The following SYNJ2 variants were observed in gnomAD, a reference collection of about 807,000 sequenced individuals.
SYNJ2 encodes polyphosphatidylinositol phosphatase SYNJ2.
SYNJ2 carries 116 observed loss-of-function variants against 141.3 expected under a neutral mutation model. The observed-to-expected ratio is 0.82, with a 90% CI of 0.71 to 0.96. SYNJ2 has a LOEUF of 0.96. Among genes scored for constraint, SYNJ2 ranks in the 40% least tolerant of loss-of-function variants. SYNJ2 has a pLI of 0.00. For missense variants in SYNJ2, 1,873 were observed against 1,934.8 expected (o/e 0.97, Z 0.60); for synonymous variants, 745 against 777.7 (o/e 0.96, Z 0.70).
intron 1 of SYNJ2, among the ~76,000 whole-genome samples, chr6:158,005,178 C>T (rs922069126): frequency 5.1e-4 from 78 of 151,696 alleles, no homozygotes; most frequent in African/African-American, 1.8e-3. Context: ...CCCAGGTTCA[C>T]GCCATTCTCC....
chr6:158,044,691 AC>A (rs1306761853), intron 5 of SYNJ2, among the ~76,000 whole-genome samples: 1 of 152,098 alleles, frequency 6.6e-6, no homozygotes, highest in Non-Finnish European at 1.5e-5. Flanking sequence ...TGTAACCACC[AC>A]TGTAATCTAA....
intron 18 of SYNJ2, chr6:158,079,105 G>C (rs1782512979): frequency 6.6e-6 from 1 of 152,242 alleles, no homozygotes; most frequent in Admixed American, 6.6e-5. Flanking sequence ...CTAGGATGCA[G>C]GGCTTTTTAA....
intron 4 of SYNJ2, among the ~76,000 whole-genome samples, chr6:158,038,775 C>T (rs1241769900): frequency 6.6e-6 from 1 of 152,210 alleles, no homozygotes; most frequent in Non-Finnish European, 1.5e-5. Context: ...TGCCGCCCTT[C>T]CAGGTGGTAC....
intron 15 of SYNJ2, among the ~76,000 whole-genome samples, chr6:158,072,346 G>A (rs1345704687): frequency 2.0e-5 from 3 of 152,350 alleles, no homozygotes; most frequent in South Asian, 2.1e-4. Context: ...TCTCGTGGCG[G>A]TCCGGAGGGT....
intron 22 of SYNJ2, 51 bp from the exon 23 acceptor site, chr6:158,086,804 C>T (rs202003562): frequency 7.5e-6 from 12 of 1,591,286 alleles, no homozygotes; most frequent in Middle Eastern, 1.7e-4. Flanking sequence ...GTGTCTGACA[C>T]GCTCACGTGT....
At chr6:158,047,203 C>G (rs1350094240) in intron 5 of SYNJ2, among the ~76,000 whole-genome samples, 1 of 152,106 alleles carries the variant, frequency 6.6e-6, no homozygotes, top group African/African-American at 2.4e-5. Context: ...CGATGCATGC[C>G]GTGGGTCTTG....
chr6:157,993,094 C>T (rs909735745), intron 1 of SYNJ2, among the ~76,000 whole-genome samples: 2 of 152,112 alleles, frequency 1.3e-5, no homozygotes, highest in Non-Finnish European at 2.9e-5. Context: ...TACTACATAA[C>T]GTATATATAG....
rs979617105 is a variant in SYNJ2, at chr6:157,982,498, C to A, written c.127+410C>A. ...TTTGGTTTGTGTTGGCGGCTCCACT[C>A]CTGGAGGGGATGGGGACAAAAGCCC... On this transcript the variant is annotated intron_variant, in intron 1 of 26. Coordinates refer to ENST00000355585, the MANE Select transcript of SYNJ2 (RefSeq NM_003898.4). The surrounding 1 kb of genome is among the most constrained non-coding windows in gnomAD (Gnocchi z 4.0). Among the ~76,000 whole-genome samples the A allele has an allele frequency of 3.3e-5, 5 of 152,180 alleles. No homozygotes were observed. The highest frequency in any genetic ancestry group is 4.8e-5 in the African/African-American group (2 of 41,426).
At chr6:158,054,906 C>A in intron 5 of SYNJ2, 61 bp from the exon 6 acceptor site, 13 of 1,575,334 alleles carry the variant, frequency 8.3e-6, no homozygotes, top group Middle Eastern at 1.7e-4. Context: ...ATGGGAAAAA[C>A]CATGGCCTCC....
chr6:158,003,623 G>T (rs575895151), intron 1 of SYNJ2, among the ~76,000 whole-genome samples: 5 of 152,308 alleles, frequency 3.3e-5, no homozygotes, highest in Admixed American at 1.3e-4. Context: ...TGACCTGTGG[G>T]CCGGGCTTCG....
At chr6:158,065,019 C>T in intron 11 of SYNJ2, 28 bp downstream of exon 11, 1 of 1,509,074 alleles carries the variant, frequency 6.6e-7, no homozygotes, top group Non-Finnish European at 8.9e-7. Context: ...CAGGGCGAGG[C>T]AGGGAGGTAG....
chr6:158,038,177 G>T (rs1779740990), intron 4 of SYNJ2, among the ~76,000 whole-genome samples: 2 of 152,270 alleles, frequency 1.3e-5, no homozygotes, highest in South Asian at 4.1e-4. Flanking sequence ...TCCTTGTCTG[G>T]GCTGGGGAGG....
intron 1 of SYNJ2, among the ~76,000 whole-genome samples, chr6:157,996,044 G>A (rs1055253421): frequency 5.9e-5 from 9 of 152,300 alleles, no homozygotes; most frequent in South Asian, 4.1e-4. Flanking sequence ...TGCAAGTATC[G>A]ATGAGTAAAT....
At chr6:158,014,982 G>C (rs1363888615) in intron 1 of SYNJ2, among the ~76,000 whole-genome samples, 2 of 152,210 alleles carry the variant, frequency 1.3e-5, no homozygotes, top group Non-Finnish European at 2.9e-5. Flanking sequence ...GGATGGTTGA[G>C]AGGAACCAGG....
At chr6:158,065,112 A>C in intron 11 of SYNJ2, 121 bp downstream of exon 11, 1 of 1,259,420 alleles carries the variant, frequency 7.9e-7, no homozygotes, top group Non-Finnish European at 1.1e-6. Context: ...TGAGCAGTGG[A>C]CCATGCACCT....
chr6:158,076,110 C>T (rs1389681584), intron 16 of SYNJ2, among the ~76,000 whole-genome samples: 1 of 152,188 alleles, frequency 6.6e-6, no homozygotes, highest in East Asian at 1.9e-4. Context: ...ATCACATGAG[C>T]CCCAGAGGTT....
chr6:158,004,807 C>T (rs922346761), intron 1 of SYNJ2, among the ~76,000 whole-genome samples: 5 of 152,102 alleles, frequency 3.3e-5, no homozygotes, highest in Non-Finnish European at 5.9e-5. Flanking sequence ...CCCCTCGTTT[C>T]GGCAGTTGCA....
chr6:158,087,676 G>C (rs1783146237), intron 23 of SYNJ2, among the ~76,000 whole-genome samples: 1 of 152,130 alleles, frequency 6.6e-6, no homozygotes. Flanking sequence ...TGACGTCACG[G>C]TAGTAACCAA....
chr6:158,034,977 G>A (rs1245543296), intron 4 of SYNJ2, among the ~76,000 whole-genome samples: 1 of 152,192 alleles, frequency 6.6e-6, no homozygotes, highest in Non-Finnish European at 1.5e-5. Context: ...GTTGGTCAAA[G>A]ATCACATGGT....
Sources: allele counts gnomAD v4.1 joint callset (sites outside exome capture counted in the v4.1 genomes callset), GRCh38; gene constraint gnomAD v4.1.1; non-coding constraint Gnocchi (gnomAD v3.1); transcripts MANE v1.5; gene names NCBI Gene and HGNC (gene_info 2026-07-23, HGNC 2026-07-21).